Variants in CINP observed in about 807,000 individuals in gnomAD.
The protein encoded by CINP is cyclin dependent kinase 2 interacting protein.
CINP carries 11 observed loss-of-function variants against 20.5 expected under a neutral mutation model. The observed-to-expected ratio is 0.54, with a 90% CI of 0.34 to 0.89. The LOEUF is 0.89. CINP is among the 40% of genes least tolerant of loss of function. The pLI is 0.02. For missense variants in CINP, 213 were observed against 251.0 expected, an observed-to-expected ratio of 0.85 and a Z score of 1.02; for synonymous variants, 108 against 102.1, an observed-to-expected ratio of 1.06 and a Z score of -0.35.
In CINP at chr14:102,351,272, C is replaced by A. The variant is rs1381762070; in HGVS notation, c.307-1224G>T. ...GCCATTGACGGTCCCTCAGTGTGGA[C>A]CAGGCTCTGTCCTAAGCCCTGTAAC... is the stretch of plus-strand genomic sequence containing the variant. On this transcript the variant is annotated intron_variant, in intron 3 of 4. Coordinates refer to ENST00000216756, the MANE Select transcript of CINP (RefSeq NM_032630.3). The surrounding 1 kb of genome is among the most constrained non-coding windows in gnomAD (Gnocchi z 4.2). Among the ~76,000 whole-genome samples, 2 of 152,182 alleles carry A rather than the reference C, an allele frequency of 1.3e-5. No homozygotes were observed. Among genetic ancestry groups the A allele is most frequent in the Non-Finnish European group, 2.9e-5 (2 of 68,036 alleles).
chr14:102,352,615 T>G, intron 3 of CINP: 1 of 444,808 alleles, frequency 2.2e-6, no homozygotes, highest in South Asian at 1.6e-5. Flanking sequence ...AACTTTTGGT[T>G]TTGAACATAG....
At chr14:102,359,297 T>C in intron 2 of CINP, 122 bp downstream of exon 2, 1 of 464,938 alleles carries the variant, frequency 2.2e-6, no homozygotes, top group Non-Finnish European at 3.7e-6. Context: ...AATTTATACT[T>C]ACACGTATCA....
At chr14:102,358,720 T>C (rs1038974645) in intron 2 of CINP, among the ~76,000 whole-genome samples, 2 of 151,836 alleles carry the variant, frequency 1.3e-5, no homozygotes, top group South Asian at 2.1e-4. Flanking sequence ...AAGTGAGATA[T>C]AAAGGAAACA....
chr14:102,356,020 T>C, intron 2 of CINP, 123 bp from the exon 3 acceptor site: 1 of 936,100 alleles, frequency 1.1e-6, no homozygotes, highest in East Asian at 2.7e-5. Flanking sequence ...ATAAGCATTG[T>C]TCTTTCATAT....
At chr14:102,357,864 C>T (rs1330751376) in intron 2 of CINP, among the ~76,000 whole-genome samples, 3 of 152,106 alleles carry the variant, frequency 2.0e-5, no homozygotes, top group Non-Finnish European at 2.9e-5. Flanking sequence ...GTAGATGAAA[C>T]AGCCTTCTAT....
At chr14:102,361,842 T>G (rs987635046) in intron 1 of CINP, among the ~76,000 whole-genome samples, 8 of 152,200 alleles carry the variant, frequency 5.3e-5, no homozygotes, top group Admixed American at 2.0e-4. Flanking sequence ...ATTTAGGTTT[T>G]TAGAAAGTCA....
chr14:102,360,224 G>C (rs780860868), intron 1 of CINP, among the ~76,000 whole-genome samples: 4 of 151,964 alleles, frequency 2.6e-5, no homozygotes, highest in Non-Finnish European at 5.9e-5. Flanking sequence ...CTCTTGAAAA[G>C]CTGAGGTGCC....
chr14:102,351,764 C>T lies in CINP; in HGVS notation c.307-1716G>A, dbSNP rs1352132508. Reference sequence around the variant, plus strand: ...TTTGATATTTTATTTGGCCCAACCCCAAGAGGCAGGACTTGTCATTTCCGT... The same window carrying T: ...TTTGATATTTTATTTGGCCCAACCCTAAGAGGCAGGACTTGTCATTTCCGT... On this transcript the variant is annotated intron_variant, in intron 3 of 4. Transcript: ENST00000216756. This position sits in a 1 kb window ranked among gnomAD's most constrained non-coding sequence, Gnocchi z 4.2. Among the ~76,000 whole-genome samples the T allele has an allele frequency of 1.3e-5, 2 of 152,178 alleles. No homozygotes were observed. The highest frequency in any genetic ancestry group is 4.8e-5 in the African/African-American group (2 of 41,444).
chr14:102,355,622 A>G (rs1886981753), intron 3 of CINP, 146 bp downstream of exon 3: 1 of 866,508 alleles, frequency 1.2e-6, no homozygotes, highest in Non-Finnish European at 1.8e-6. Context: ...CTTGGGGAAC[A>G]TTAAGGTTTA....
intron 2 of CINP, among the ~76,000 whole-genome samples, chr14:102,356,135 C>A (rs988181003): frequency 3.9e-5 from 6 of 152,114 alleles, no homozygotes; most frequent in African/African-American, 1.4e-4. Context: ...CATGTGACAG[C>A]CGGTTTTGGT....
chr14:102,358,322 GC>G (rs1196791416), intron 2 of CINP, among the ~76,000 whole-genome samples: 2 of 152,184 alleles, frequency 1.3e-5, no homozygotes, highest in Non-Finnish European at 2.9e-5. Flanking sequence ...CTATTAAACA[GC>G]AATGAGAAAG....
intron 3 of CINP, among the ~76,000 whole-genome samples, chr14:102,350,729 CTT>C (rs1055005167): frequency 6.7e-6 from 1 of 149,704 alleles, no homozygotes; most frequent in African/African-American, 2.5e-5. Context: ...CTCTCTCTCT[CTT>C]TTATCAAATG....
rs1308840030 is a variant in CINP at position 102,349,965 on chromosome 14, C to G, written c.390G>C (p.Glu130Asp). The G allele has an allele frequency of 6.2e-7, 1 of 1,613,696 alleles. No individual in the cohort carries two copies. ...CELENYHYGE[E>D]SKRPPLFHTW... ...TGTGGAACAGAGGGGGTCGTTTACT[C>G]TCCTCCCCATAATGGTAGTTTTCTA... Residue 130 changes from glutamate to aspartate, a missense_variant, in exon 4 of 5, where the codon GAG (glutamate) becomes GAC (aspartate). Glu to Asp is a conservative substitution (Grantham distance 45, BLOSUM62 2). Transcript: ENST00000216756.
At chr14:102,358,303 G>C (rs1887043503) in intron 2 of CINP, among the ~76,000 whole-genome samples, 1 of 152,174 alleles carries the variant, frequency 6.6e-6, no homozygotes. Context: ...GGTCTAATGT[G>C]GGTAAACACT....
chr14:102,358,646 A>G (rs1162737929), intron 2 of CINP, among the ~76,000 whole-genome samples: 1 of 152,180 alleles, frequency 6.6e-6, no homozygotes, highest in Non-Finnish European at 1.5e-5. Flanking sequence ...ACGCCATTGC[A>G]CTCCAGCCTG....
intron 1 of CINP, among the ~76,000 whole-genome samples, chr14:102,360,863 C>A (rs1174382103): frequency 6.6e-6 from 1 of 152,210 alleles, no homozygotes; most frequent in African/African-American, 2.4e-5. Context: ...CACTCCCCTG[C>A]CTCATACTTA....
rs200629188 is a variant in CINP at position 102,348,676 on chromosome 14, C to T, written c.520G>A (p.Gly174Arg). 3.9e-5 allele frequency: 63 copies of T among 1,613,918 alleles called. No individual in the cohort carries two copies. The highest frequency in any genetic ancestry group is 8.0e-5 in the African/African-American group (6 of 75,060). ...RTVAKELAHT[G>R]DPDLTLSYLS... ...TAGCTCAGGGTGAGGTCGGGATCCCCGGTGTGGGCAAGCTCCTTGGCCACC... is the reference window on the plus strand; with the variant it reads ...TAGCTCAGGGTGAGGTCGGGATCCCTGGTGTGGGCAAGCTCCTTGGCCACC... The change falls in exon 5 of 5, where the codon GGG becomes AGG. Residue 174 changes from glycine (G) to arginine (R), a missense_variant. Transcript: ENST00000216756.
intron 3 of CINP, among the ~76,000 whole-genome samples, chr14:102,354,730 C>G (rs894168258): frequency 2.0e-5 from 3 of 151,946 alleles, no homozygotes; most frequent in Non-Finnish European, 2.9e-5. Flanking sequence ...GCACTCCATC[C>G]AGCCTCAGTG....
Position 102,357,855 on chromosome 14 carries a change from T to C in CINP, c.176+1564A>G, listed in dbSNP as rs151278460. On this transcript the variant is annotated intron_variant, in intron 2 of 4. Coordinates refer to ENST00000216756, the MANE Select transcript of CINP (RefSeq NM_032630.3). ...TACATGATACAACAGATTTTCAGTG[T>C]AGATGAAACAGCCTTCTATTAGAAG... Among the ~76,000 whole-genome samples the C allele has an allele frequency of 1.6e-3, 249 of 152,372 alleles. 1 individual carries two copies. The highest frequency in any genetic ancestry group is 3.4e-3 in the Middle Eastern group (1 of 294).
Sources: gnomAD v4.1 joint callset for allele counts (sites outside exome capture counted in the v4.1 genomes callset) on GRCh38, gnomAD v4.1.1 for gene constraint, Gnocchi (gnomAD v3.1) non-coding constraint, MANE v1.5 for transcripts, NCBI Gene and HGNC (gene_info 2026-07-23, HGNC 2026-07-21) for gene names.